The following WDFY4 variants were observed in gnomAD, a reference collection of about 807,000 sequenced individuals.
WDFY4 encodes the protein WD repeat- and FYVE domain-containing protein 4.
A neutral mutation model predicts 351.9 loss-of-function variants in WDFY4; 169 were observed. That is an observed-to-expected ratio of 0.48 (90% CI 0.42 to 0.55). The LOEUF (loss-of-function observed/expected upper bound fraction) is 0.55, where lower values mean the gene tolerates loss of function less well. WDFY4 is among the 20% of genes least tolerant of loss of function. The pLI, the probability that WDFY4 is intolerant of heterozygous loss-of-function variation, is 0.00. For synonymous variants in WDFY4, 1,622 were observed against 1,574.6 expected (o/e 1.03, Z -0.71); for missense variants, 3,803 against 3,935.6 (o/e 0.97, Z 0.90).
rs1555028337 is a variant in WDFY4 at position 48,828,925 on chromosome 10, GGC to G, written c.6340+31_6340+32del. On this transcript the variant is annotated intron_variant, in intron 37 of 61. Coordinates refer to ENST00000325239, the MANE Select transcript of WDFY4 (RefSeq NM_001394531.1). ...CATTTTATTTGTCATTGTGTGTGTG[GGC>G]GGGGGGGGGGCGGGGAGGGGGTGGT... The G allele has an allele frequency of 3.6e-4, 104 of 289,856 alleles. 2 individuals are homozygous for G. Among genetic ancestry groups the G allele is most frequent in the African/African-American group, 2.5e-3 (67 of 26,758 alleles). The allele number at this position is 289,856 out of a possible 1,614,324, so 18.0% of individuals were successfully genotyped here. A position where few individuals can be genotyped will look rare whatever the true frequency, so the allele number is the denominator to read the frequency against.
In WDFY4 at chr10:48,723,493, C is replaced by CT; in HGVS notation, c.518dup (p.Phe174LeufsTer10). On this transcript the variant is annotated frameshift_variant, in exon 5 of 62. Transcript: ENST00000325239. LOFTEE classifies it high-confidence loss of function. ...AGCCCTGCTCCTACAGTGCCTTTAC[C>CT]TCTTCTTTGTCTTTCCTCTGGACAA... is the stretch of plus-strand genomic sequence containing the variant. 6.4e-7 allele frequency: 1 copy of CT among 1,551,392 alleles called. No individual in the cohort carries two copies. The highest frequency in any genetic ancestry group is 1.2e-5 in the South Asian group (1 of 84,042).
intron 57 of WDFY4, among the ~76,000 whole-genome samples, chr10:48,973,552 T>G (rs888540568): frequency 6.6e-6 from 1 of 152,240 alleles, no homozygotes; most frequent in African/African-American, 2.4e-5. Flanking sequence ...GGTTTACCAC[T>G]TGGTAAGCCA....
At chr10:48,767,488 A>C (rs2065709037) in intron 13 of WDFY4, among the ~76,000 whole-genome samples, 1 of 152,252 alleles carries the variant, frequency 6.6e-6, no homozygotes, top group South Asian at 2.1e-4. Context: ...ATTGAACTGT[A>C]TGTTAATATA....
intron 47 of WDFY4, among the ~76,000 whole-genome samples, chr10:48,923,924 G>T (rs1839343676): frequency 6.6e-6 from 1 of 152,176 alleles, no homozygotes; most frequent in Admixed American, 6.5e-5. Context: ...CCAGCCAGTT[G>T]GGCCCAGCTG....
chr10:48,829,382 A>ATT (rs1450110550), intron 37 of WDFY4, among the ~76,000 whole-genome samples: 4 of 152,192 alleles, frequency 2.6e-5, no homozygotes, highest in African/African-American at 9.7e-5. Context: ...TTATTCTTGG[A>ATT]TTTACTAATC....
chr10:48,953,188 C>T (rs138039328), intron 51 of WDFY4, among the ~76,000 whole-genome samples: 45 of 152,292 alleles, frequency 3.0e-4, no homozygotes, highest in African/African-American at 9.6e-4. Flanking sequence ...GAGATCAGGG[C>T]CCAAGCCCAG....
At chr10:48,685,869 G>A (rs1314826754) in intron 1 of WDFY4, among the ~76,000 whole-genome samples, 1 of 152,028 alleles carries the variant, frequency 6.6e-6, no homozygotes, top group African/African-American at 2.4e-5. Flanking sequence ...AAGCGGACAG[G>A]GGTCTACGGT....
At chr10:48,823,167 CTT>C (rs35306425) in intron 35 of WDFY4, 3,985 of 1,166,790 alleles carry the variant, frequency 3.4e-3, no homozygotes, top group South Asian at 0.011. Flanking sequence ...TGAAAGAGAC[CTT>C]TTTTTTTTTT....
intron 52 of WDFY4, 41 bp from the exon 53 acceptor site, chr10:48,959,681 T>A: frequency 1.3e-6 from 2 of 1,536,648 alleles, no homozygotes. Context: ...CCTAGCCTGA[T>A]TTGAGTTACC....
At chr10:48,889,201 CAG>C (rs1221909961) in intron 43 of WDFY4, among the ~76,000 whole-genome samples, 1 of 152,228 alleles carries the variant, frequency 6.6e-6, no homozygotes, top group Non-Finnish European at 1.5e-5. Flanking sequence ...TTTACAGAAA[CAG>C]AGGCTCTCGG....
At chr10:48,851,225 A>C (rs912285658) in intron 39 of WDFY4, among the ~76,000 whole-genome samples, 3 of 152,182 alleles carry the variant, frequency 2.0e-5, no homozygotes, top group South Asian at 2.1e-4. Context: ...GAGGTGCTGC[A>C]AGACTGGGGG....
intron 1 of WDFY4, among the ~76,000 whole-genome samples, chr10:48,692,494 T>C (rs1257331264): frequency 2.6e-5 from 4 of 152,224 alleles, no homozygotes; most frequent in Non-Finnish European, 4.4e-5. Flanking sequence ...GTATTTAATG[T>C]GATGATTTTC....
chr10:48,975,224 G>T (rs983336636), intron 58 of WDFY4, 183 bp downstream of exon 58: 1 of 772,086 alleles, frequency 1.3e-6, no homozygotes, highest in African/African-American at 1.7e-5. Context: ...TTCAATGTCC[G>T]CTTCTTTACT....
intron 43 of WDFY4, among the ~76,000 whole-genome samples, chr10:48,887,055 C>A (rs954676856): frequency 6.6e-6 from 1 of 152,240 alleles, no homozygotes; most frequent in Admixed American, 6.5e-5. Context: ...CTAGCAGAAT[C>A]AATGTTTAAG....
intron 38 of WDFY4, among the ~76,000 whole-genome samples, chr10:48,831,923 T>A (rs1441673448): frequency 6.6e-6 from 1 of 152,236 alleles, no homozygotes; most frequent in Non-Finnish European, 1.5e-5. Flanking sequence ...AGAACCCTCA[T>A]ATTTTAATCA....
chr10:48,898,662 G>A (rs1472897651), intron 45 of WDFY4, among the ~76,000 whole-genome samples: 1 of 152,196 alleles, frequency 6.6e-6, no homozygotes, highest in Non-Finnish European at 1.5e-5. Flanking sequence ...CTCCTGTCAA[G>A]GGTTTGCCAG....
chr10:48,719,132 C>T (rs2063998244), intron 2 of WDFY4, among the ~76,000 whole-genome samples: 1 of 152,078 alleles, frequency 6.6e-6, no homozygotes. Context: ...CAAAACCAAA[C>T]AATAACAAAT....
chr10:48,811,845 C>A lies in WDFY4; in HGVS notation c.5214+137C>A, dbSNP rs2067458447. ...GATGGGGTGCTGGCCCACTTCCCTC[C>A]CTAGCAGCCCACACCCTTGGCCAGC... On this transcript the variant is annotated intron_variant, in intron 30 of 61. Coordinates refer to ENST00000325239, the MANE Select transcript of WDFY4 (RefSeq NM_001394531.1). 4 of 877,868 alleles carry A rather than the reference C, an allele frequency of 4.6e-6. No individual in the cohort carries two copies. In the African/African-American group the frequency reaches 6.8e-5, roughly 15 times the overall value. The allele number at this position is 877,868 out of a possible 1,614,324, so 54.4% of individuals were successfully genotyped here.
intron 47 of WDFY4, among the ~76,000 whole-genome samples, chr10:48,911,513 A>C (rs1320578592): frequency 2.0e-5 from 3 of 152,226 alleles, no homozygotes; most frequent in Non-Finnish European, 2.9e-5. Flanking sequence ...GAAAACTGAA[A>C]ATAACTTAAA....
Sources: gnomAD v4.1 joint callset for allele counts (sites outside exome capture counted in the v4.1 genomes callset) on GRCh38, gnomAD v4.1.1 for gene constraint, MANE v1.5 for transcripts, NCBI Gene and HGNC (gene_info 2026-07-23, HGNC 2026-07-21) for gene names.